Variants in RIPOR3 observed in about 807,000 individuals in gnomAD.
The protein encoded by RIPOR3 is RIPOR family member 3.
A neutral mutation model predicts 114.3 loss-of-function variants in RIPOR3; 95 were observed. The observed-to-expected ratio is 0.83, with a 90% CI of 0.70 to 0.99. The LOEUF (loss-of-function observed/expected upper bound fraction) is 0.99, where lower values mean the gene tolerates loss of function less well. Among genes scored for constraint, RIPOR3 ranks in the 50% least tolerant of loss-of-function variants. The pLI is 0.00. For missense variants in RIPOR3, 1,252 were observed against 1,266.9 expected (o/e 0.99, Z 0.18); for synonymous variants, 575 against 543.8 (o/e 1.06, Z -0.80).
chr20:50,592,781 TC>T (rs1219883525), intron 18 of RIPOR3, among the ~76,000 whole-genome samples: 6 of 152,100 alleles, frequency 3.9e-5, no homozygotes, highest in African/African-American at 1.2e-4. Flanking sequence ...AGCCCACACT[TC>T]CAGGGACTCT....
At chr20:50,615,546 A>G in intron 4 of RIPOR3, among the ~76,000 whole-genome samples, 1 of 150,680 alleles carries the variant, frequency 6.6e-6, no homozygotes, top group South Asian at 2.1e-4. Context: ...AAAAAAAAAA[A>G]GACACTGCCC....
At chr20:50,614,861 C>T (rs1162495710) in intron 4 of RIPOR3, 6 of 167,524 alleles carry the variant, frequency 3.6e-5, no homozygotes, top group Non-Finnish European at 7.3e-5. Context: ...GAGTTTGAGA[C>T]CAGCTTGGCC....
chr20:50,604,648 G>A lies in RIPOR3; in HGVS notation c.1083C>T (p.Tyr361=). Reference sequence around the variant, plus strand: ...TGCCCCGGGAAGGCTCACTCACCAGGTAGTATCTCTCCCGGAAGCTGGGGG... The same window carrying A: ...TGCCCCGGGAAGGCTCACTCACCAGATAGTATCTCTCCCGGAAGCTGGGGG... ...PSTPSFRERY[Y]LSVLQQPTQQ... The change falls in exon 12 of 22, where the codon TAC becomes TAT. Residue 361 remains tyrosine, a synonymous_variant. Transcript: ENST00000327979. 5 of 1,607,260 alleles carry A rather than the reference G, an allele frequency of 3.1e-6. No homozygotes were observed. Among genetic ancestry groups the A allele is most frequent in the Non-Finnish European group, 4.2e-6 (5 of 1,177,332 alleles).
rs111263241 is a variant in RIPOR3, at chr20:50,684,175, C to T, written c.3+6951G>A. On this transcript the variant is annotated intron_variant, in intron 1 of 21. Coordinates refer to ENST00000327979, the MANE Select transcript of RIPOR3 (RefSeq NM_001290268.2). Reference sequence around the variant, plus strand: ...TATATATGTATGTTAGATGATGAGACGTGTGTGGTAAGGAGAAAAATAAAC... The same window carrying T: ...TATATATGTATGTTAGATGATGAGATGTGTGTGGTAAGGAGAAAAATAAAC... Among the ~76,000 whole-genome samples, 409 of 134,616 alleles carry T rather than the reference C, an allele frequency of 3.0e-3. 2 individuals carry two copies. Among genetic ancestry groups the T allele is most frequent in the African/African-American group, 9.8e-3 (387 of 39,636 alleles). The allele number at this position is 134,616 out of a possible 152,430, so 88.3% of individuals were successfully genotyped here. A position where few individuals can be genotyped will look rare whatever the true frequency, so the allele number is the denominator to read the frequency against.
In RIPOR3 at chr20:50,685,654, G is replaced by A. The variant is rs533340290; in HGVS notation, c.3+5472C>T. ...GCCTGGCCAACATGGCGAAACCCCC[G>A]TCTCTACTAAAAATACAGAAATCAG... On this transcript the variant is annotated intron_variant, in intron 1 of 21. Coordinates refer to ENST00000327979, the MANE Select transcript of RIPOR3 (RefSeq NM_001290268.2). Among the ~76,000 whole-genome samples the A allele has an allele frequency of 2.4e-4, 28 of 118,210 alleles. 1 individual carries two copies. Among genetic ancestry groups the A allele is most frequent in the African/African-American group, 7.9e-4 (25 of 31,508 alleles). The allele number at this position is 118,210 out of a possible 152,430, so 77.6% of individuals were successfully genotyped here.
chr20:50,673,525 ATT>A (rs2086592278), intron 1 of RIPOR3, among the ~76,000 whole-genome samples: 1 of 151,892 alleles, frequency 6.6e-6, no homozygotes, highest in African/African-American at 2.4e-5. Flanking sequence ...CAAAGCAACT[ATT>A]TCCTGGCCCC....
At chr20:50,639,789 G>C (rs1326689633) in intron 1 of RIPOR3, among the ~76,000 whole-genome samples, 8 of 152,286 alleles carry the variant, frequency 5.3e-5, no homozygotes. Context: ...GAGTGACTAA[G>C]GGACACGCAG....
chr20:50,620,385 G>A (rs981324478), intron 2 of RIPOR3, among the ~76,000 whole-genome samples: 2 of 152,106 alleles, frequency 1.3e-5, no homozygotes, highest in Admixed American at 1.3e-4. Flanking sequence ...CCAGCACTTC[G>A]GGAAGCTGAG....
intron 1 of RIPOR3, among the ~76,000 whole-genome samples, chr20:50,635,670 GAAAGAAGGAAAGGAAAAAGGAAAGGAAGA>G (rs1340291773): frequency 6.6e-6 from 1 of 151,910 alleles, no homozygotes; most frequent in African/African-American, 2.4e-5. Context: ...GGAAAGGAAG[GAAAGAAGGAAAGGAAAAAGGAAAGGAAGA>G]AAAGAAGGAA....
Position 50,609,571 on chromosome 20 carries a change from A to C in RIPOR3, c.576+2T>G. 2 of 1,418,074 alleles carry C rather than the reference A, an allele frequency of 1.4e-6. No homozygotes were observed. Among genetic ancestry groups the C allele is most frequent in the East Asian group, 2.6e-5 (1 of 38,118 alleles). 87.8% of individuals were successfully genotyped at this position (1,418,074 alleles called of 1,614,324 possible). The stretch of plus-strand genomic sequence containing the variant: ...TGCCCAGCCCAGCTTGGCCCGGCCC[A>C]CCTCGGCGCACTCGTGCAGGCTGCG... On this transcript the variant is annotated splice_donor_variant, in intron 7 of 21. Coordinates refer to ENST00000327979, the MANE Select transcript of RIPOR3 (RefSeq NM_001290268.2). LOFTEE classifies it high-confidence loss of function.
intron 1 of RIPOR3, among the ~76,000 whole-genome samples, chr20:50,678,482 C>A (rs2123586310): frequency 6.6e-6 from 1 of 152,304 alleles, no homozygotes; most frequent in South Asian, 2.1e-4. Flanking sequence ...GTTCTGCAGG[C>A]TCCGGGAAGG....
At chr20:50,593,386 A>G (rs1160072527) in intron 17 of RIPOR3, among the ~76,000 whole-genome samples, 190 bp from the exon 18 acceptor site, 2 of 152,218 alleles carry the variant, frequency 1.3e-5, no homozygotes, top group East Asian at 1.9e-4. Context: ...CAGCCTGACC[A>G]ACATGGTGAA....
chr20:50,655,485 G>A (rs914067220), intron 1 of RIPOR3, among the ~76,000 whole-genome samples: 8 of 152,222 alleles, frequency 5.3e-5, no homozygotes, highest in African/African-American at 1.7e-4. Context: ...CAGCTGCACC[G>A]AGTGAATCTG....
intron 16 of RIPOR3, 124 bp from the exon 17 acceptor site, chr20:50,594,838 A>T: frequency 2.7e-6 from 3 of 1,131,042 alleles, no homozygotes; most frequent in Non-Finnish European, 3.7e-6. Flanking sequence ...GCTTGATGCG[A>T]GGTCCCTTCC....
At chr20:50,640,781 G>T in intron 1 of RIPOR3, among the ~76,000 whole-genome samples, 1 of 152,074 alleles carries the variant, frequency 6.6e-6, no homozygotes, top group Non-Finnish European at 1.5e-5. Flanking sequence ...GCCCACGCAT[G>T]CGCCCACGAA....
At chr20:50,595,167 G>A (rs1386593664) in intron 16 of RIPOR3, 3 of 647,532 alleles carry the variant, frequency 4.6e-6, no homozygotes, top group Middle Eastern at 4.3e-4. Flanking sequence ...ACAGCTGACT[G>A]AAGAGTGTGC....
At chr20:50,677,982 T>A (rs1413526840) in intron 1 of RIPOR3, among the ~76,000 whole-genome samples, 1 of 152,260 alleles carries the variant, frequency 6.6e-6, no homozygotes, top group South Asian at 2.1e-4. Context: ...ATTATTCGTC[T>A]TCTTAGTCTG....
At chr20:50,619,895 C>A in intron 3 of RIPOR3, 91 bp downstream of exon 3, 1 of 1,494,866 alleles carries the variant, frequency 6.7e-7, no homozygotes, top group Non-Finnish European at 9.1e-7. Context: ...CTCTTGTAGA[C>A]AAGACCCATC....
At position 50,602,286 on chromosome 20, in the gene RIPOR3, C is replaced by CT. The variant is rs1568837423; in HGVS notation, c.1444dup (p.Ser482LysfsTer16). On this transcript the variant is annotated frameshift_variant, in exon 13 of 22. Transcript: ENST00000327979. LOFTEE classifies it high-confidence loss of function. This position sits in a 1 kb window ranked among gnomAD's most constrained non-coding sequence, Gnocchi z 4.3. ...GTGGAACAGGGAGCCCTGTGGCAGG[C>CT]TGGGGCTCTCCCCTCCTAAGTTCCT... 3.1e-6 allele frequency: 5 copies of CT among 1,613,866 alleles called. No homozygotes were observed.
Sources: allele counts gnomAD v4.1 joint callset (sites outside exome capture counted in the v4.1 genomes callset), GRCh38; gene constraint gnomAD v4.1.1; non-coding constraint Gnocchi (gnomAD v3.1); transcripts MANE v1.5; gene names NCBI Gene and HGNC (gene_info 2026-07-23, HGNC 2026-07-21).